Variants in TENM3 observed in about 807,000 individuals in gnomAD.
The protein encoded by TENM3 is teneurin transmembrane protein 3.
TENM3 carries 63 observed loss-of-function variants against 255.1 expected under a neutral mutation model. The observed-to-expected ratio is 0.25, with a 90% CI of 0.20 to 0.30. The LOEUF (loss-of-function observed/expected upper bound fraction) is 0.30, where lower values mean the gene tolerates loss of function less well. Ranked by LOEUF, TENM3 falls within the 10% of genes least tolerant of loss-of-function variation. TENM3 has a pLI of 1.00. For missense variants in TENM3, 2,929 were observed against 3,461.1 expected (o/e 0.85, Z 3.86); for synonymous variants, 1,306 against 1,322.3 (o/e 0.99, Z 0.27).
the TENM3 span, among the ~76,000 whole-genome samples, chr4:181,646,513 A>T: frequency 6.6e-6 from 1 of 152,320 alleles, no homozygotes; most frequent in Non-Finnish European, 1.5e-5. Flanking sequence ...TCTGCAGCTT[A>T]CTGTGAGTTT....
chr4:182,326,654 C>G lies in TENM3; in HGVS notation c.232+2402C>G, dbSNP rs576291117. Among the ~76,000 whole-genome samples the G allele has an allele frequency of 9.2e-5, 14 of 152,254 alleles. No homozygotes were observed. In the South Asian group the frequency reaches 2.5e-3, roughly 27 times the overall value. Reference sequence around the variant, plus strand: ...GGCTCAAAAAATCCTCCTGCCTCAGCCTCCTGAGTAGCTGGGATCACAAGT... The same window carrying G: ...GGCTCAAAAAATCCTCCTGCCTCAGGCTCCTGAGTAGCTGGGATCACAAGT... On this transcript the variant is annotated intron_variant, in intron 2 of 27. Transcript: ENST00000511685.
chr4:182,560,434 C>G (rs930814277), intron 3 of TENM3, among the ~76,000 whole-genome samples: 2 of 152,168 alleles, frequency 1.3e-5, no homozygotes, highest in African/African-American at 4.8e-5. Context: ...CTCAGTGCCC[C>G]CTCTACTGCT....
At chr4:181,956,009 A>C in the TENM3 span, among the ~76,000 whole-genome samples, 1 of 152,202 alleles carries the variant, frequency 6.6e-6, no homozygotes, top group Admixed American at 6.5e-5. Context: ...ATAGCTTATA[A>C]ACAAGAGAAG....
chr4:182,088,446 TC>T, the TENM3 span, among the ~76,000 whole-genome samples: 1 of 152,130 alleles, frequency 6.6e-6, no homozygotes, highest in African/African-American at 2.4e-5. Context: ...CATTCAGCTT[TC>T]TCCCCAACCT....
chr4:182,013,525 C>G, the TENM3 span, among the ~76,000 whole-genome samples: 1 of 152,168 alleles, frequency 6.6e-6, no homozygotes, highest in Admixed American at 6.6e-5. Flanking sequence ...ACACTTGTCC[C>G]TTGTTCCCTG....
At chr4:181,873,422 A>T in the TENM3 span, among the ~76,000 whole-genome samples, 1 of 152,150 alleles carries the variant, frequency 6.6e-6, no homozygotes, top group Non-Finnish European at 1.5e-5. Context: ...CTTTAACTGC[A>T]TTCCATAAAT....
chr4:181,987,287 A>T, the TENM3 span, among the ~76,000 whole-genome samples: 3 of 152,134 alleles, frequency 2.0e-5, no homozygotes, highest in African/African-American at 7.2e-5. Context: ...GCAATCAGGA[A>T]ATATGAACAA....
At chr4:181,710,279 G>T in the TENM3 span, among the ~76,000 whole-genome samples, 1 of 152,128 alleles carries the variant, frequency 6.6e-6, no homozygotes, top group Non-Finnish European at 1.5e-5. Context: ...AAGAAAATCA[G>T]AAAAGCGTTT....
At chr4:181,955,780 G>C in the TENM3 span, among the ~76,000 whole-genome samples, 2 of 152,128 alleles carry the variant, frequency 1.3e-5, no homozygotes, top group East Asian at 3.9e-4. Context: ...CTTGCATAGG[G>C]TCACTGCTAG....
At chr4:181,651,588 C>CAAAA in the TENM3 span, among the ~76,000 whole-genome samples, 1 of 109,788 alleles carries the variant, frequency 9.1e-6, no homozygotes, top group African/African-American at 3.4e-5. Context: ...GACTTGGTCT[C>CAAAA]AAAAAAAAAA....
chr4:182,092,735 T>G, the TENM3 span, among the ~76,000 whole-genome samples: 1 of 152,328 alleles, frequency 6.6e-6, no homozygotes, highest in South Asian at 2.1e-4. Flanking sequence ...TGATTGGTGT[T>G]TTAGGCAATC....
chr4:182,323,128 C>T (rs985949787), intron 1 of TENM3, among the ~76,000 whole-genome samples: 13 of 152,076 alleles, frequency 8.5e-5, no homozygotes, highest in Non-Finnish European at 2.9e-5. Flanking sequence ...TTCCTCCCAC[C>T]CTTTCCACTG....
At chr4:182,019,855 G>A in the TENM3 span, among the ~76,000 whole-genome samples, 2 of 151,910 alleles carry the variant, frequency 1.3e-5, no homozygotes, top group South Asian at 4.2e-4. Flanking sequence ...TTGTAGAGAC[G>A]AGGTTTCTCC....
At chr4:182,126,425 G>A in the TENM3 span, among the ~76,000 whole-genome samples, 391 of 152,248 alleles carry the variant, frequency 2.6e-3, no homozygotes, top group African/African-American at 6.6e-3. Context: ...TTGTAACACC[G>A]AGGAGTCAGG....
intron 3 of TENM3, among the ~76,000 whole-genome samples, chr4:182,573,567 G>A (rs974473777): frequency 2.0e-5 from 3 of 152,100 alleles, no homozygotes; most frequent in Non-Finnish European, 4.4e-5. Context: ...TGAAAATTCA[G>A]TATATTTGTA....
intron 11 of TENM3, among the ~76,000 whole-genome samples, chr4:182,682,409 A>G (rs1756245645): frequency 6.6e-6 from 1 of 152,248 alleles, no homozygotes; most frequent in Non-Finnish European, 1.5e-5. Context: ...TATAAGGCTA[A>G]ACATCACAGT....
In TENM3 at chr4:182,680,553, A is replaced by G. The variant is rs755795729; in HGVS notation, c.1650A>G (p.Pro550=). Reference sequence around the variant, plus strand: ...TGTCTTGTTTCACAGCCGCCTGTCCAGTGTTATGTAGTGGCAACGGGCAGT... The same window carrying G: ...TGTCTTGTTTCACAGCCGCCTGTCCGGTGTTATGTAGTGGCAACGGGCAGT... ...LGPDCSRAAC[P]VLCSGNGQYS... The change falls in exon 10 of 28, where the codon CCA becomes CCG. Residue 550 remains proline (P), a synonymous_variant. Transcript: ENST00000511685. 3.1e-6 allele frequency: 5 copies of G among 1,612,532 alleles called. No homozygotes were observed. Among genetic ancestry groups the G allele is most frequent in the East Asian group, 2.2e-5 (1 of 44,848 alleles).
chr4:182,100,796 C>CTCATAT, the TENM3 span, among the ~76,000 whole-genome samples: 2 of 3,558 alleles, frequency 5.6e-4, no homozygotes, highest in African/African-American at 8.4e-4. Flanking sequence ...CATATATATA[C>CTCATAT]ACATATATAT....
chr4:181,811,986 C>G, the TENM3 span, among the ~76,000 whole-genome samples: 1 of 152,144 alleles, frequency 6.6e-6, no homozygotes, highest in African/African-American at 2.4e-5. Context: ...GCAAATATTG[C>G]CTTTTGATGA....
Sources: allele counts gnomAD v4.1 joint callset (sites outside exome capture counted in the v4.1 genomes callset), GRCh38; gene constraint gnomAD v4.1.1; transcripts MANE v1.5; gene names NCBI Gene and HGNC (gene_info 2026-07-23, HGNC 2026-07-21).